The following BRINP1 variants were observed in gnomAD, a reference collection of about 807,000 sequenced individuals.
The protein encoded by BRINP1 is BMP/retinoic acid-inducible neural-specific protein 1.
BRINP1 carries 17 observed loss-of-function variants against 72.9 expected under a neutral mutation model. The observed-to-expected ratio is 0.23, with a 90% CI of 0.16 to 0.35. BRINP1 has a LOEUF of 0.35. BRINP1 is among the 10% of genes least tolerant of loss of function. BRINP1 has a pLI of 1.00. For synonymous variants in BRINP1, 418 were observed against 378.5 expected (o/e 1.10, Z -1.21); for missense variants, 850 against 1,001.6 (o/e 0.85, Z 2.04).
chr9:119,198,670 TAA>T (rs1829771023), intron 7 of BRINP1, among the ~76,000 whole-genome samples: 1 of 75,714 alleles, frequency 1.3e-5, no homozygotes, highest in Admixed American at 1.7e-4. Context: ...TTGAAAATAT[TAA>T]TTTTTTTTTT....
At chr9:119,253,738 G>A (rs1286533299) in intron 2 of BRINP1, among the ~76,000 whole-genome samples, 2 of 152,066 alleles carry the variant, frequency 1.3e-5, no homozygotes, top group Non-Finnish European at 2.9e-5. Flanking sequence ...AAAGAGAGGG[G>A]ATAGGACAGG....
intron 2 of BRINP1, among the ~76,000 whole-genome samples, chr9:119,303,309 C>CAG (rs1239212002): frequency 1.3e-5 from 2 of 149,752 alleles, no homozygotes; most frequent in East Asian, 4.0e-4. Flanking sequence ...CACACACACA[C>CAG]ACACACACAC....
intron 2 of BRINP1, among the ~76,000 whole-genome samples, chr9:119,307,660 G>A (rs539970577): frequency 2.6e-5 from 4 of 152,288 alleles, no homozygotes; most frequent in East Asian, 1.9e-4. Flanking sequence ...GTGCTCTGAC[G>A]TAGGCTGGAA....
At chr9:119,204,594 A>G (rs544241680) in intron 7 of BRINP1, among the ~76,000 whole-genome samples, 2 of 152,308 alleles carry the variant, frequency 1.3e-5, no homozygotes, top group Admixed American at 6.5e-5. Context: ...CTCATATAAG[A>G]TGCTAAAGAA....
chr9:119,182,663 G>A (rs149103922), intron 7 of BRINP1, among the ~76,000 whole-genome samples: 1 of 152,270 alleles, frequency 6.6e-6, no homozygotes, highest in Non-Finnish European at 1.5e-5. Context: ...GCCCTTACCA[G>A]ACAACCAATC....
chr9:119,267,487 T>A (rs1830558793), intron 2 of BRINP1, among the ~76,000 whole-genome samples: 1 of 151,626 alleles, frequency 6.6e-6, no homozygotes. Flanking sequence ...AAAACAAAAA[T>A]TAGCCAGGTG....
chr9:119,246,846 C>A (rs906629998), intron 3 of BRINP1, among the ~76,000 whole-genome samples: 8 of 152,162 alleles, frequency 5.3e-5, no homozygotes, highest in African/African-American at 1.9e-4. Context: ...AATCTCTTTG[C>A]CTTCCTTCTC....
intron 1 of BRINP1, among the ~76,000 whole-genome samples, chr9:119,357,540 T>C (rs940004418): frequency 8.5e-5 from 13 of 152,302 alleles, no homozygotes; most frequent in Admixed American, 3.3e-4. Context: ...AGCTAAGATT[T>C]CCTGCCGAGG....
chr9:119,168,397 C>T (rs576974403), intron 7 of BRINP1, among the ~76,000 whole-genome samples, 173 bp from the exon 8 acceptor site: 1 of 152,310 alleles, frequency 6.6e-6, no homozygotes, highest in East Asian at 1.9e-4. Context: ...ATTGTAGCTC[C>T]TCCTAATGCC....
chr9:119,313,229 A>G lies in BRINP1; in HGVS notation c.127T>C (p.Ser43Pro), dbSNP rs748610280. 2 of 1,614,192 alleles carry G rather than the reference A, an allele frequency of 1.2e-6. No individual in the cohort carries two copies. The highest frequency in any genetic ancestry group is 1.7e-6 in the Non-Finnish European group (2 of 1,180,038). ...HVSKEFDWLI[S>P]DRGPFHHSRS... ...GAGTGGTGGAAAGGCCCCCTGTCTGAAATGAGCCAATCAAATTCCTTGGAG... is the reference window on the plus strand; with the variant it reads ...GAGTGGTGGAAAGGCCCCCTGTCTGGAATGAGCCAATCAAATTCCTTGGAG... Residue 43 changes from serine (S) to proline (P), a missense_variant, in exon 2 of 8, where the codon TCA becomes CCA. By Grantham distance (74) the Ser-to-Pro change is moderately conservative (BLOSUM62 -1). Coordinates refer to ENST00000265922, the MANE Select transcript of BRINP1 (RefSeq NM_014618.3).
chr9:119,325,058 C>A (rs978286477), intron 1 of BRINP1, among the ~76,000 whole-genome samples: 7 of 151,628 alleles, frequency 4.6e-5, no homozygotes, highest in Non-Finnish European at 8.8e-5. Flanking sequence ...TGAGATCACG[C>A]CATTGCACTC....
At chr9:119,349,658 A>C (rs1225468850) in intron 1 of BRINP1, among the ~76,000 whole-genome samples, 1 of 152,168 alleles carries the variant, frequency 6.6e-6, no homozygotes, top group Non-Finnish European at 1.5e-5. Flanking sequence ...TCAGCCCCTC[A>C]AAGCATCAGT....
At chr9:119,230,852 G>A (rs949777425) in intron 5 of BRINP1, among the ~76,000 whole-genome samples, 1 of 151,952 alleles carries the variant, frequency 6.6e-6, no homozygotes, top group African/African-American at 2.4e-5. Flanking sequence ...TTCAGGCAGA[G>A]GGCAGACGAT....
intron 2 of BRINP1, among the ~76,000 whole-genome samples, chr9:119,263,411 G>A (rs1222304786): frequency 6.6e-6 from 1 of 151,866 alleles, no homozygotes; most frequent in East Asian, 1.9e-4. Flanking sequence ...GGGCTTGGAG[G>A]TCACTTCTAC....
intron 6 of BRINP1, among the ~76,000 whole-genome samples, chr9:119,212,126 T>G (rs1829935175): frequency 6.6e-6 from 1 of 152,218 alleles, no homozygotes; most frequent in African/African-American, 2.4e-5. Context: ...TTCTCTTTTA[T>G]GGGCTCCCAG....
intron 2 of BRINP1, among the ~76,000 whole-genome samples, chr9:119,289,633 C>G (rs1291654992): frequency 2.0e-5 from 3 of 152,004 alleles, no homozygotes; most frequent in Non-Finnish European, 4.4e-5. Context: ...GAGAAATATC[C>G]CAAAGGATAT....
intron 5 of BRINP1, among the ~76,000 whole-genome samples, chr9:119,222,907 T>C (rs1292132889): frequency 6.6e-6 from 1 of 152,188 alleles, no homozygotes; most frequent in Non-Finnish European, 1.5e-5. Flanking sequence ...TCAATTTAAA[T>C]ATAAGCTTCT....
intron 7 of BRINP1, among the ~76,000 whole-genome samples, chr9:119,195,031 A>C (rs1829721654): frequency 6.6e-6 from 1 of 152,184 alleles, no homozygotes; most frequent in African/African-American, 2.4e-5. Flanking sequence ...CAATCTTTTA[A>C]GTTTCTTTCA....
chr9:119,292,279 C>T (rs1021081006), intron 2 of BRINP1, among the ~76,000 whole-genome samples: 1 of 152,116 alleles, frequency 6.6e-6, no homozygotes, highest in Admixed American at 6.5e-5. Context: ...AACCTCTGCT[C>T]AAGTTGACTG....
Sources: allele counts gnomAD v4.1 joint callset (sites outside exome capture counted in the v4.1 genomes callset), GRCh38; gene constraint gnomAD v4.1.1; transcripts MANE v1.5; gene names NCBI Gene and HGNC (gene_info 2026-07-23, HGNC 2026-07-21).